CCDC149: variants seen among roughly 807,000 people sequenced by gnomAD.
The protein encoded by CCDC149 is coiled-coil domain containing 149.
A neutral mutation model predicts 59.9 loss-of-function variants in CCDC149; 45 were observed. The ratio of observed to expected loss-of-function variants is 0.75; its 90% CI spans 0.59 to 0.96. The LOEUF (loss-of-function observed/expected upper bound fraction) is 0.96. Among genes scored for constraint, CCDC149 ranks in the 40% least tolerant of loss-of-function variants. The pLI, the probability that CCDC149 is intolerant of heterozygous loss-of-function variation, is 0.00. For missense variants in CCDC149, 584 were observed against 664.7 expected (o/e 0.88, Z 1.33); for synonymous variants, 245 against 260.6 (o/e 0.94, Z 0.58).
intron 3 of CCDC149, among the ~76,000 whole-genome samples, chr4:24,858,982 C>T (rs7676788): frequency 6.6e-5 from 10 of 152,112 alleles, no homozygotes; most frequent in South Asian, 2.1e-4. Context: ...CTACAAATGC[C>T]GCAAAATATG....
At chr4:24,894,124 A>G (rs1425797267) in intron 1 of CCDC149, among the ~76,000 whole-genome samples, 1 of 152,210 alleles carries the variant, frequency 6.6e-6, no homozygotes. Flanking sequence ...ACTGAAAGTC[A>G]TATGTCAAGC....
intron 9 of CCDC149, chr4:24,829,853 T>C (rs1716019962): frequency 6.6e-6 from 1 of 152,180 alleles, no homozygotes; most frequent in African/African-American, 2.4e-5. Context: ...AGGGTGGCTG[T>C]TGAGGAAGGA....
chr4:24,918,491 T>A (rs1467999097), intron 1 of CCDC149, among the ~76,000 whole-genome samples: 1 of 152,228 alleles, frequency 6.6e-6, no homozygotes, highest in East Asian at 1.9e-4. Context: ...CTAGCCTGGC[T>A]GTGACCAAGA....
chr4:24,809,093 A>G (rs1487996731), intron 12 of CCDC149, among the ~76,000 whole-genome samples: 1 of 152,184 alleles, frequency 6.6e-6, no homozygotes, highest in Non-Finnish European at 1.5e-5. Flanking sequence ...GCACCTGGTT[A>G]GCTTCTGTTC....
At position 24,912,105 on chromosome 4, in the gene CCDC149, C is replaced by T. The variant is rs916767931; in HGVS notation, c.63+712G>A. Among the ~76,000 whole-genome samples the T allele has an allele frequency of 3.9e-5, 6 of 152,184 alleles. 1 individual carries two copies. The highest frequency in any genetic ancestry group is 1.4e-4 in the African/African-American group (6 of 41,444). On this transcript the variant is annotated intron_variant, in intron 1 of 12. Transcript: ENST00000635206. ...GCTTCTCCCGGCAGGCCGGCAAACT[C>T]TTAGGGGGAACTGAAGAGCAAACAG...
intron 4 of CCDC149, among the ~76,000 whole-genome samples, chr4:24,842,004 T>C (rs554025667): frequency 6.6e-6 from 1 of 152,184 alleles, no homozygotes; most frequent in Non-Finnish European, 1.5e-5. Flanking sequence ...TGACTGATAA[T>C]ATATTTATGC....
chr4:24,912,785 C>A, intron 1 of CCDC149, 32 bp downstream of exon 1: 2 of 1,282,806 alleles, frequency 1.6e-6, no homozygotes, highest in Non-Finnish European at 2.0e-6. Flanking sequence ...CTCGGCCCGG[C>A]CCATCCCGCC....
At chr4:24,892,218 C>T (rs1481725046) in intron 1 of CCDC149, among the ~76,000 whole-genome samples, 1 of 152,176 alleles carries the variant, frequency 6.6e-6, no homozygotes, top group Non-Finnish European at 1.5e-5. Flanking sequence ...TCCTGCCCTA[C>T]CACTTCTAGC....
intron 1 of CCDC149, among the ~76,000 whole-genome samples, chr4:24,877,100 C>T (rs1237051504): frequency 6.6e-6 from 1 of 151,780 alleles, no homozygotes; most frequent in Non-Finnish European, 1.5e-5. Flanking sequence ...AAATTATTTA[C>T]CCAGGTTTCA....
chr4:24,838,137 A>G lies in CCDC149; in HGVS notation c.489+19T>C. ...CTGTGCAAATGCATCCCCCACTCTG[A>G]ATAGATGTTAGTGAGAACCTGTTCC... On this transcript the variant is annotated intron_variant, in intron 5 of 12. Transcript: ENST00000635206. 1 of 1,569,526 alleles carries G rather than the reference A, an allele frequency of 6.4e-7. No homozygotes were observed. Among genetic ancestry groups the G allele is most frequent in the Non-Finnish European group, 8.8e-7 (1 of 1,139,084 alleles).
At chr4:24,954,043 C>T (rs1262717409) in intron 1 of CCDC149, among the ~76,000 whole-genome samples, 1 of 151,556 alleles carries the variant, frequency 6.6e-6, no homozygotes, top group East Asian at 1.9e-4. Context: ...GCCTAAAGAA[C>T]CTATAGGACA....
intron 1 of CCDC149, among the ~76,000 whole-genome samples, chr4:24,919,600 A>G (rs1722225659): frequency 6.6e-6 from 1 of 152,218 alleles, no homozygotes. Context: ...GAAAGCATGA[A>G]TGGGTGATTA....
chr4:24,857,421 G>C (rs1422215382), intron 3 of CCDC149, among the ~76,000 whole-genome samples: 1 of 152,204 alleles, frequency 6.6e-6, no homozygotes, highest in African/African-American at 2.4e-5. Context: ...TGCTATAAAA[G>C]TTTCTGAACA....
intron 4 of CCDC149, among the ~76,000 whole-genome samples, chr4:24,839,369 C>T (rs977753955): frequency 1.3e-5 from 2 of 151,708 alleles, no homozygotes; most frequent in Non-Finnish European, 2.9e-5. Context: ...TTAGTAGAGA[C>T]GGGGTTTCAC....
chr4:24,861,446 G>A (rs534013694), intron 3 of CCDC149, among the ~76,000 whole-genome samples: 79 of 152,184 alleles, frequency 5.2e-4, no homozygotes, highest in African/African-American at 1.9e-3. Context: ...AGGACACAAA[G>A]GCATAAGAAT....
At chr4:24,879,883 G>C (rs971433836) in intron 1 of CCDC149, among the ~76,000 whole-genome samples, 1 of 152,062 alleles carries the variant, frequency 6.6e-6, no homozygotes, top group Non-Finnish European at 1.5e-5. Context: ...CTCAAGCTCT[G>C]GAAGCCTCAA....
At chr4:24,888,030 G>A (rs541410592) in intron 1 of CCDC149, among the ~76,000 whole-genome samples, 2 of 152,152 alleles carry the variant, frequency 1.3e-5, no homozygotes, top group East Asian at 3.9e-4. Context: ...GGAAGCTTCT[G>A]CCACTCCCCC....
chr4:24,970,272 T>G (rs1342342857), intron 1 of CCDC149, among the ~76,000 whole-genome samples: 4 of 152,234 alleles, frequency 2.6e-5, no homozygotes, highest in African/African-American at 9.6e-5. Context: ...CTGCACCACC[T>G]TTCCAGCAAC....
At chr4:24,968,850 T>C (rs1463797462) in intron 1 of CCDC149, among the ~76,000 whole-genome samples, 2 of 152,230 alleles carry the variant, frequency 1.3e-5, no homozygotes, top group Non-Finnish European at 2.9e-5. Flanking sequence ...AGTGGCTAGT[T>C]GGCCACCAAC....
Sources: gnomAD v4.1 joint callset for allele counts (sites outside exome capture counted in the v4.1 genomes callset) on GRCh38, gnomAD v4.1.1 for gene constraint, MANE v1.5 for transcripts, NCBI Gene and HGNC (gene_info 2026-07-23, HGNC 2026-07-21) for gene names.